The following MAML3 variants were observed in gnomAD, a reference collection of about 807,000 sequenced individuals.
MAML3 encodes mastermind like transcriptional coactivator 3.
In MAML3, 27 loss-of-function variants were observed where a neutral mutation model predicts 101.9. The ratio of observed to expected loss-of-function variants is 0.27; its 90% confidence interval spans 0.20 to 0.37. The LOEUF is 0.37. MAML3 is among the 10% of genes least tolerant of loss of function. MAML3 has a pLI of 1.00. For missense variants in MAML3, 1,316 were observed against 1,444.9 expected (o/e 0.91, Z 1.45); for synonymous variants, 501 against 555.9 (o/e 0.90, Z 1.39).
Position 139,730,454 on chromosome 4 carries a change from GCTGC to G in MAML3, c.2289_2292del (p.Arg763SerfsTer48). ...ATCTGCTGCTGCTGCTGCTGCTGCT[GCTGC>G]CTTTGCTCCCGCAGGAACTGTTGCT... On this transcript the variant is annotated frameshift_variant, in exon 3 of 5. Coordinates refer to ENST00000509479, the MANE Select transcript of MAML3 (RefSeq NM_018717.5). LOFTEE classifies it high-confidence loss of function. 6.4e-7 allele frequency: 1 copy of G among 1,552,022 alleles called. No homozygotes were observed. Among genetic ancestry groups the G allele is most frequent in the Non-Finnish European group, 8.7e-7 (1 of 1,147,264 alleles).
In MAML3 at chr4:139,992,659, G is replaced by C. The variant is rs1395938254; in HGVS notation, c.469-101692C>G. 2.0e-5 allele frequency among the ~76,000 whole-genome samples: 3 copies of C among 152,264 alleles called. No homozygotes were observed. In the East Asian group the frequency reaches 5.8e-4, roughly 29 times the overall value. ...TTCTGCCTCAGCCTCTCGGGTTCAAGTGATCCTTCTGCCTCAGCCTCCTGA... is the reference window on the plus strand; with the variant it reads ...TTCTGCCTCAGCCTCTCGGGTTCAACTGATCCTTCTGCCTCAGCCTCCTGA... On this transcript the variant is annotated intron_variant, in intron 1 of 4. Coordinates refer to ENST00000509479, the MANE Select transcript of MAML3 (RefSeq NM_018717.5).
intron 2 of MAML3, among the ~76,000 whole-genome samples, chr4:139,881,991 G>A (rs965596909): frequency 6.6e-6 from 1 of 152,122 alleles, no homozygotes; most frequent in African/African-American, 2.4e-5. Flanking sequence ...ACTGCTCCAG[G>A]CCTGGAAAGC....
chr4:140,153,087 T>A lies in MAML3; in HGVS notation c.241A>T (p.Ile81Phe). The A allele has an allele frequency of 6.4e-7, 1 of 1,555,662 alleles. No individual in the cohort carries two copies. Among genetic ancestry groups the A allele is most frequent in the Non-Finnish European group, 8.7e-7 (1 of 1,149,444 alleles). Residue 81 changes from isoleucine (I) to phenylalanine (F), a missense_variant, in exon 1 of 5, where the codon ATC becomes TTC. Coordinates refer to ENST00000509479, the MANE Select transcript of MAML3 (RefSeq NM_018717.5). ...ACGTGGTGCCGACGGCAGCCCTCGA[T>A]GCGCTGGCGGAGCCGCTCCACCACG... The part of the protein sequence containing the change: ...STVVERLRQR[I>F]EGCRRHHVNC...
intron 1 of MAML3, among the ~76,000 whole-genome samples, chr4:140,050,146 C>T (rs1181788597): frequency 3.9e-5 from 6 of 152,114 alleles, no homozygotes; most frequent in African/African-American, 1.2e-4. Flanking sequence ...GAAATGTATT[C>T]TGCTATTCCA....
intron 2 of MAML3, among the ~76,000 whole-genome samples, chr4:139,834,139 G>C (rs1006553024): frequency 6.6e-6 from 1 of 152,246 alleles, no homozygotes; most frequent in Non-Finnish European, 1.5e-5. Flanking sequence ...ATTTTGAAAT[G>C]AGACTTCAAT....
intron 2 of MAML3, among the ~76,000 whole-genome samples, chr4:139,835,086 G>T (rs1731233972): frequency 6.6e-6 from 1 of 152,236 alleles, no homozygotes; most frequent in Non-Finnish European, 1.5e-5. Flanking sequence ...CCCCACTTCT[G>T]ATGTGTGTTC....
At chr4:139,807,775 T>C (rs563363679) in intron 2 of MAML3, among the ~76,000 whole-genome samples, 8 of 152,316 alleles carry the variant, frequency 5.3e-5, no homozygotes, top group African/African-American at 1.4e-4. Context: ...ATAAAGAAGG[T>C]TGACTTTATT....
intron 1 of MAML3, among the ~76,000 whole-genome samples, chr4:139,984,799 C>T (rs1734507642): frequency 6.6e-6 from 1 of 152,210 alleles, no homozygotes; most frequent in Non-Finnish European, 1.5e-5. Flanking sequence ...ACCCAGATAT[C>T]CCTGGGTAAT....
intron 2 of MAML3, among the ~76,000 whole-genome samples, chr4:139,812,888 G>A (rs761844018): frequency 4.4e-4 from 62 of 141,242 alleles, no homozygotes; most frequent in Non-Finnish European, 8.8e-4. Context: ...TGCAGACTCC[G>A]AATAAATAAA....
intron 2 of MAML3, among the ~76,000 whole-genome samples, chr4:139,822,734 A>G (rs1730995779): frequency 6.6e-6 from 1 of 152,236 alleles, no homozygotes; most frequent in Non-Finnish European, 1.5e-5. Flanking sequence ...TCAGCTCCAC[A>G]TCTCGAACCC....
At chr4:139,939,072 C>A (rs1045576726) in intron 1 of MAML3, among the ~76,000 whole-genome samples, 1 of 152,196 alleles carries the variant, frequency 6.6e-6, no homozygotes, top group Non-Finnish European at 1.5e-5. Context: ...CTTTCGGGAA[C>A]ACATGATACC....
At chr4:139,883,556 G>GT (rs1005996474) in intron 2 of MAML3, among the ~76,000 whole-genome samples, 1 of 152,172 alleles carries the variant, frequency 6.6e-6, no homozygotes, top group African/African-American at 2.4e-5. Flanking sequence ...GAGACTGTGT[G>GT]TGGGGGGGTT....
At chr4:139,881,639 C>A (rs1228736777) in intron 2 of MAML3, among the ~76,000 whole-genome samples, 2 of 152,154 alleles carry the variant, frequency 1.3e-5, no homozygotes, top group East Asian at 3.8e-4. Flanking sequence ...GAAAGAAAAA[C>A]AAGCATATGA....
At chr4:140,084,235 C>A (rs982838809) in intron 1 of MAML3, among the ~76,000 whole-genome samples, 2 of 152,168 alleles carry the variant, frequency 1.3e-5, no homozygotes, top group African/African-American at 4.8e-5. Context: ...AGCAAAGGGC[C>A]GATGACTACT....
chr4:139,890,825 T>A lies in MAML3; in HGVS notation c.611A>T (p.Asn204Ile), dbSNP rs1453165815. Residue 204 changes from asparagine (N) to isoleucine (I), a missense_variant, in exon 2 of 5, where the codon AAC becomes ATC. Asn to Ile is a moderately radical substitution (Grantham distance 149). Coordinates refer to ENST00000509479, the MANE Select transcript of MAML3 (RefSeq NM_018717.5). This position sits in a 1 kb window ranked among gnomAD's most constrained non-coding sequence, Gnocchi z 4.1. ...KDISAGMEAI[N>I]NLPSNMPLPS... The stretch of plus-strand genomic sequence containing the variant: ...CAGTGGCATGTTACTGGGCAAATTG[T>A]TGATGGCTTCCATCCCCGCAGAAAT... 1.2e-6 allele frequency: 2 copies of A among 1,614,044 alleles called. No individual in the cohort carries two copies. The highest frequency in any genetic ancestry group is 4.5e-5 in the East Asian group (2 of 44,890).
chr4:140,057,263 G>T (rs1048990657), intron 1 of MAML3, among the ~76,000 whole-genome samples: 3 of 152,108 alleles, frequency 2.0e-5, no homozygotes, highest in Admixed American at 2.0e-4. Context: ...ACGAGATCTT[G>T]TCTCTATTAT....
chr4:139,799,086 C>T (rs1157529760), intron 2 of MAML3, among the ~76,000 whole-genome samples: 1 of 152,158 alleles, frequency 6.6e-6, no homozygotes. Context: ...TTCTCTGTTC[C>T]ATGGTTAATA....
intron 1 of MAML3, among the ~76,000 whole-genome samples, chr4:140,032,156 T>C (rs1422674131): frequency 1.3e-5 from 2 of 152,216 alleles, no homozygotes; most frequent in Admixed American, 6.5e-5. Flanking sequence ...GTTGTATCCA[T>C]GTAGATTTAG....
intron 2 of MAML3, among the ~76,000 whole-genome samples, chr4:139,823,188 T>A (rs1275914344): frequency 3.3e-5 from 5 of 152,214 alleles, no homozygotes; most frequent in African/African-American, 1.2e-4. Flanking sequence ...TACCTTAAGA[T>A]TCTATGAATA....
Sources: allele counts gnomAD v4.1 joint callset (sites outside exome capture counted in the v4.1 genomes callset), GRCh38; gene constraint gnomAD v4.1.1; non-coding constraint Gnocchi (gnomAD v3.1); transcripts MANE v1.5; gene names NCBI Gene and HGNC (gene_info 2026-07-23, HGNC 2026-07-21).